The following RPL19 variants were observed in gnomAD, a reference collection of about 807,000 sequenced individuals.
RPL19 encodes ribosomal protein L19, also known as large ribosomal subunit protein eL19.
In RPL19, 2 loss-of-function variants were observed where a neutral mutation model predicts 25.1. That is an observed-to-expected ratio of 0.08 (90% CI 0.03 to 0.25). The LOEUF is 0.25. Among genes scored for constraint, RPL19 ranks in the 10% least tolerant of loss-of-function variants. RPL19 has a pLI of 1.00. For synonymous variants in RPL19, 89 were observed against 91.2 expected, an observed-to-expected ratio of 0.98 and a Z score of 0.14; for missense variants, 123 against 271.8, an observed-to-expected ratio of 0.45 and a Z score of 3.85.
intron 2 of RPL19, 132 bp downstream of exon 2, chr17:39,201,451 AGTG>A: frequency 1.6e-6 from 1 of 622,858 alleles, no homozygotes; most frequent in South Asian, 2.0e-5. Context: ...GCTGGAGTGT[AGTG>A]GTGCCATCTG....
intron 1 of RPL19, chr17:39,200,552 GA>G: frequency 7.7e-7 from 1 of 1,297,336 alleles, no homozygotes; most frequent in Non-Finnish European, 9.8e-7. Context: ...CTGAGACCAG[GA>G]AAAGTCTGCC....
rs1018225908 is a variant in RPL19 at position 39,204,725 on chromosome 17, T to G, written c.*77T>G. 5.0e-6 allele frequency: 7 copies of G among 1,400,422 alleles called. No individual in the cohort carries two copies. In the African/African-American group the frequency reaches 7.2e-5, roughly 14 times the overall value. 86.7% of individuals were successfully genotyped at this position (1,400,422 alleles called of 1,614,324 possible). ...CATTAAAATAAAACAAGCCTTAATCTGCCTTCCTCTCTGCTTCTTGCAAGG... is the reference window on the plus strand; with the variant it reads ...CATTAAAATAAAACAAGCCTTAATCGGCCTTCCTCTCTGCTTCTTGCAAGG... On this transcript the variant is annotated 3_prime_UTR_variant, in exon 6 of 6. Coordinates refer to ENST00000225430, the MANE Select transcript of RPL19 (RefSeq NM_000981.4).
chr17:39,200,910 A>G (rs1054982851), intron 1 of RPL19, among the ~76,000 whole-genome samples: 12 of 152,192 alleles, frequency 7.9e-5, no homozygotes, highest in African/African-American at 2.9e-4. Context: ...CTCACCTCGA[A>G]TATTCTTTAA....
At chr17:39,203,967 G>T in intron 4 of RPL19, 110 bp from the exon 5 acceptor site, 1 of 655,662 alleles carries the variant, frequency 1.5e-6, no homozygotes, top group Non-Finnish European at 2.8e-6. Flanking sequence ...GCAGCAATAG[G>T]AGAAAAGAAA....
intron 5 of RPL19, 45 bp downstream of exon 5, chr17:39,204,232 G>C: frequency 8.1e-7 from 1 of 1,232,672 alleles, no homozygotes; most frequent in Non-Finnish European, 1.2e-6. Flanking sequence ...TTAGACCTTT[G>C]AGAGTTGTTC....
chr17:39,200,741 G>A (rs921234092), intron 1 of RPL19: 3 of 1,056,228 alleles, frequency 2.8e-6, no homozygotes, highest in Non-Finnish European at 3.4e-6. Flanking sequence ...ACTGCCGAGA[G>A]AGGTGATCTC....
intron 5 of RPL19, 50 bp downstream of exon 5, chr17:39,204,237 T>G (rs2046309532): frequency 4.2e-6 from 5 of 1,189,678 alleles, no homozygotes; most frequent in Non-Finnish European, 6.3e-6. Flanking sequence ...CCTTTGAGAG[T>G]TGTTCTTAGA....
chr17:39,201,334 T>C lies in RPL19; in HGVS notation c.112+15T>C, dbSNP rs757274484. Reference sequence around the variant, plus strand: ...TGCCAACTCCCGTGAGTACCTGGGATCTGTCTCTTCACCCTACTTCCTTCT... The same window carrying C: ...TGCCAACTCCCGTGAGTACCTGGGACCTGTCTCTTCACCCTACTTCCTTCT... On this transcript the variant is annotated intron_variant, in intron 2 of 5. Coordinates refer to ENST00000225430, the MANE Select transcript of RPL19 (RefSeq NM_000981.4). 1.4e-6 allele frequency: 2 copies of C among 1,411,698 alleles called. No homozygotes were observed. The highest frequency in any genetic ancestry group is 2.3e-5 in the East Asian group (1 of 43,924). 87.4% of individuals were successfully genotyped at this position (1,411,698 alleles called of 1,614,324 possible).
At chr17:39,201,370 G>A (rs773533701) in intron 2 of RPL19, 51 bp downstream of exon 2, 4 of 1,075,582 alleles carry the variant, frequency 3.7e-6, no homozygotes, top group Admixed American at 4.0e-5. Flanking sequence ...TTTCTCCTGC[G>A]TCAGATTAAT....
Position 39,203,089 on chromosome 17 carries a change from TAAG to T in RPL19, c.341_343del (p.Lys114del), listed in dbSNP as rs2046301842. On this transcript the variant is annotated inframe_deletion, in exon 4 of 6. Coordinates refer to ENST00000225430, the MANE Select transcript of RPL19 (RefSeq NM_000981.4). ...GGCTGCTCAGAAGATACCGTGAATC[TAAG>T]AAGATCGATCGCCACATGTAAGCAC... 1 of 1,612,978 alleles carries T rather than the reference TAAG, an allele frequency of 6.2e-7. No individual in the cohort carries two copies. Among genetic ancestry groups the T allele is most frequent in the Admixed American group, 1.7e-5 (1 of 59,884 alleles).
At chr17:39,204,352 C>T (rs540599439) in intron 5 of RPL19, among the ~76,000 whole-genome samples, 165 bp downstream of exon 5, 2 of 152,234 alleles carry the variant, frequency 1.3e-5, no homozygotes, top group Non-Finnish European at 2.9e-5. Flanking sequence ...TACACACCCA[C>T]TCTTCCTGTC....
Position 39,202,741 on chromosome 17 carries a change from TG to T in RPL19, c.236-247del. The T allele has an allele frequency of 1.1e-5, 5 of 468,440 alleles. No homozygotes were observed. In the South Asian group the frequency reaches 1.5e-4, roughly 14 times the overall value. 29.0% of individuals were successfully genotyped at this position (468,440 alleles called of 1,614,324 possible). ...TGCTGTGTTGCCTTGGTGCACTGCC[TG>T]TTACACCCACATTCTGCATGAAGTG... On this transcript the variant is annotated intron_variant, in intron 3 of 5. Coordinates refer to ENST00000225430, the MANE Select transcript of RPL19 (RefSeq NM_000981.4).
chr17:39,202,296 A>G lies in RPL19; in HGVS notation c.113-21A>G, dbSNP rs1276199017. On this transcript the variant is annotated intron_variant, in intron 2 of 5. Coordinates refer to ENST00000225430, the MANE Select transcript of RPL19 (RefSeq NM_000981.4). ...GTGCTTGGGCCCCAGTTGACTGACC[A>G]GGTGCATTATGCTTTCCCAGGTCAG... is the stretch of plus-strand genomic sequence containing the variant. 3.1e-6 allele frequency: 5 copies of G among 1,612,586 alleles called. No individual in the cohort carries two copies. In the East Asian group the frequency reaches 6.7e-5, roughly 22 times the overall value.
intron 5 of RPL19, 24 bp from the exon 6 acceptor site, chr17:39,204,501 C>A (rs372237678): frequency 1.2e-6 from 2 of 1,613,446 alleles, no homozygotes; most frequent in Middle Eastern, 1.6e-4. Context: ...CCAAACTGAC[C>A]CGTCTTTTCT....
rs755138997 is a variant in RPL19, at chr17:39,201,308, A to G, written c.101A>G (p.Asn34Ser). 11 of 1,602,974 alleles carry G rather than the reference A, an allele frequency of 6.9e-6. No individual in the cohort carries two copies. The highest frequency in any genetic ancestry group is 9.4e-6 in the Non-Finnish European group (11 of 1,170,168). ...CCCAATGAGACCAATGAAATCGCCA[A>G]TGCCAACTCCCGTGAGTACCTGGGA... is the stretch of plus-strand genomic sequence containing the variant. ...LDPNETNEIA[N>S]ANSRQQIRKL... Residue 34 changes from asparagine (N) to serine (S), a missense_variant, in exon 2 of 6, where the codon AAT (asparagine) becomes AGT (serine). By Grantham distance (46) the Asn-to-Ser change is conservative. Coordinates refer to ENST00000225430, the MANE Select transcript of RPL19 (RefSeq NM_000981.4).
rs145292311 is a variant in RPL19 at position 39,200,614 on chromosome 17, C to G, written c.5+265C>G. ...GTCCGGTCGACCCACGCGAGCAGAG[C>G]AAACGGAGCGAACAAGACCAAGCCG... On this transcript the variant is annotated intron_variant, in intron 1 of 5. Coordinates refer to ENST00000225430, the MANE Select transcript of RPL19 (RefSeq NM_000981.4). 1.6e-4 allele frequency: 197 copies of G among 1,230,694 alleles called. 2 individuals carry two copies. The East Asian group carries it at 6.9e-3, about 43-fold the overall frequency. The allele number at this position is 1,230,694 out of a possible 1,614,324, so 76.2% of individuals were successfully genotyped here.
At chr17:39,204,502 C>A in intron 5 of RPL19, 23 bp from the exon 6 acceptor site, 1 of 1,613,448 alleles carries the variant, frequency 6.2e-7, no homozygotes, top group South Asian at 1.1e-5. Context: ...CAAACTGACC[C>A]GTCTTTTCTC....
At chr17:39,201,400 C>CTT (rs111516501) in intron 2 of RPL19, 81 bp downstream of exon 2, 3,059 of 611,250 alleles carry the variant, frequency 5.0e-3, no homozygotes, top group Non-Finnish European at 5.7e-3. Context: ...ATTGTGTTGA[C>CTT]TTTTTTTTTT....
At chr17:39,201,543 C>T (rs2046289550) in intron 2 of RPL19, among the ~76,000 whole-genome samples, 1 of 151,886 alleles carries the variant, frequency 6.6e-6, no homozygotes, top group South Asian at 2.1e-4. Flanking sequence ...GAGGTGTGCA[C>T]CACCACACCC....
Sources: allele counts gnomAD v4.1 joint callset (sites outside exome capture counted in the v4.1 genomes callset), GRCh38; gene constraint gnomAD v4.1.1; transcripts MANE v1.5; gene names NCBI Gene and HGNC (gene_info 2026-07-23, HGNC 2026-07-21).